Variants in ARHGAP39 observed in about 807,000 individuals in gnomAD.
ARHGAP39 encodes the protein rho GTPase-activating protein 39.
In ARHGAP39, 44 loss-of-function variants were observed where a neutral mutation model predicts 106.9. The ratio of observed to expected loss-of-function variants is 0.41; its 90% CI spans 0.32 to 0.53. The LOEUF (loss-of-function observed/expected upper bound fraction) is 0.53, where lower values mean the gene tolerates loss of function less well. Ranked by LOEUF, ARHGAP39 falls within the 20% of genes least tolerant of loss-of-function variation. ARHGAP39 has a pLI of 0.21. For missense variants in ARHGAP39, 1,496 were observed against 1,577.3 expected, an observed-to-expected ratio of 0.95 and a Z score of 0.87; for synonymous variants, 768 against 693.2, an observed-to-expected ratio of 1.11 and a Z score of -1.69.
intron 1 of ARHGAP39, among the ~76,000 whole-genome samples, chr8:144,622,440 G>T (rs1820830078): frequency 6.6e-6 from 1 of 152,006 alleles, no homozygotes; most frequent in Admixed American, 6.6e-5. Context: ...CAGAAGGCAT[G>T]GCACCTCCCA....
chr8:144,639,250 C>G (rs1338135768), intron 1 of ARHGAP39, among the ~76,000 whole-genome samples: 1 of 148,760 alleles, frequency 6.7e-6, no homozygotes, highest in East Asian at 2.0e-4. Context: ...CACTTGAGCC[C>G]GGGAGGTGGA....
chr8:144,608,797 C>A (rs1426239238), intron 1 of ARHGAP39, among the ~76,000 whole-genome samples: 3 of 152,166 alleles, frequency 2.0e-5, no homozygotes, highest in Non-Finnish European at 4.4e-5. Flanking sequence ...ACAAATCTTG[C>A]ACATATTAGT....
At chr8:144,662,711 G>A (rs1821862662) in intron 1 of ARHGAP39, among the ~76,000 whole-genome samples, 1 of 144,236 alleles carries the variant, frequency 6.9e-6, no homozygotes, top group African/African-American at 2.6e-5. Flanking sequence ...ATCCACCTTG[G>A]GCCATTACCC....
At chr8:144,563,280 A>G (rs573102102) in intron 3 of ARHGAP39, among the ~76,000 whole-genome samples, 1 of 152,346 alleles carries the variant, frequency 6.6e-6, no homozygotes, top group South Asian at 2.1e-4. Context: ...CAGTGGCATC[A>G]ACACGAACTT....
intron 1 of ARHGAP39, among the ~76,000 whole-genome samples, chr8:144,638,870 C>T (rs1292099091): frequency 1.3e-5 from 2 of 152,220 alleles, no homozygotes; most frequent in African/African-American, 4.8e-5. Flanking sequence ...GCTTCCAGAA[C>T]TTCACTACTG....
At chr8:144,661,779 T>G (rs1366602227) in intron 1 of ARHGAP39, among the ~76,000 whole-genome samples, 14 of 151,806 alleles carry the variant, frequency 9.2e-5, no homozygotes, top group Admixed American at 2.6e-4. Flanking sequence ...TACCCGCCTC[T>G]CCATTATCCA....
intron 2 of ARHGAP39, among the ~76,000 whole-genome samples, chr8:144,600,521 G>C (rs71520581): frequency 1.3e-5 from 2 of 148,594 alleles, no homozygotes; most frequent in Admixed American, 1.3e-4. Context: ...CGTGTGCGTG[G>C]AGGCGTGCGT....
chr8:144,590,045 C>T (rs1426461079), intron 2 of ARHGAP39, among the ~76,000 whole-genome samples: 3 of 152,254 alleles, frequency 2.0e-5, no homozygotes, highest in East Asian at 3.8e-4. Context: ...CAACAAGGGT[C>T]TCTCGCCTGT....
At chr8:144,569,655 C>T (rs1818517529) in intron 3 of ARHGAP39, among the ~76,000 whole-genome samples, 2 of 152,134 alleles carry the variant, frequency 1.3e-5, no homozygotes, top group South Asian at 2.1e-4. Context: ...GGGAGGGGAA[C>T]AGGAGGGCAA....
chr8:144,598,315 G>T (rs1819707556), intron 2 of ARHGAP39, among the ~76,000 whole-genome samples: 1 of 152,190 alleles, frequency 6.6e-6, no homozygotes, highest in South Asian at 2.1e-4. Context: ...TTTCCACGTT[G>T]TGTGTAAAGG....
At chr8:144,595,483 TCTGA>T (rs1819586977) in intron 2 of ARHGAP39, among the ~76,000 whole-genome samples, 1 of 152,136 alleles carries the variant, frequency 6.6e-6, no homozygotes, top group South Asian at 2.1e-4. Flanking sequence ...GCTGCACAAC[TCTGA>T]CTGTTCTAAG....
rs748891912 is a variant in ARHGAP39, at chr8:144,547,401, T to G, written c.1685A>C (p.Glu562Ala). Residue 562 changes from glutamate to alanine, a missense_variant, in exon 5 of 12, where the codon GAG becomes GCG. Transcript: ENST00000377307. This position sits in a 1 kb window ranked among gnomAD's most constrained non-coding sequence, Gnocchi z 5.2. The part of the protein sequence containing the change: ...PFLAQARLAW[E>A]AQQAHFHMKQ... ...CATGTGGAAGTGGGCCTGCTGCGCCTCCCAGGCCAGCCGAGCCTGCGCCAG... is the reference window on the plus strand; with the variant it reads ...CATGTGGAAGTGGGCCTGCTGCGCCGCCCAGGCCAGCCGAGCCTGCGCCAG... 3.1e-6 allele frequency: 5 copies of G among 1,591,082 alleles called. No homozygotes were observed. In the Admixed American group the frequency reaches 6.8e-5, roughly 22 times the overall value.
At chr8:144,539,601 C>T (rs1390043114) in intron 6 of ARHGAP39, among the ~76,000 whole-genome samples, 5 of 152,174 alleles carry the variant, frequency 3.3e-5, no homozygotes, top group Admixed American at 6.5e-5. Flanking sequence ...TCAAAATATG[C>T]GTTGAAATTC....
chr8:144,544,484 ATGTG>A (rs149550837), intron 6 of ARHGAP39, among the ~76,000 whole-genome samples: 1 of 151,930 alleles, frequency 6.6e-6, no homozygotes, highest in African/African-American at 2.4e-5. Flanking sequence ...GCGTGCGTGC[ATGTG>A]TGTGTGTGTG....
At position 144,591,224 on chromosome 8, in the gene ARHGAP39, A is replaced by T. The variant is rs369655978; in HGVS notation, c.81-9947T>A. Among the ~76,000 whole-genome samples, 1 of 152,132 alleles carries T rather than the reference A, an allele frequency of 6.6e-6. No individual in the cohort carries two copies. Among genetic ancestry groups the T allele is most frequent in the Non-Finnish European group, 1.5e-5 (1 of 68,018 alleles). ...CTCCCCAGCCGGAGCCTGGACCCCA[A>T]TGGACAGCTGCTCTGTGCTCCCGTG... On this transcript the variant is annotated intron_variant, in intron 2 of 11. Transcript: ENST00000377307. This position sits in a 1 kb window ranked among gnomAD's most constrained non-coding sequence, Gnocchi z 5.3.
At chr8:144,533,056 G>T in intron 9 of ARHGAP39, 70 bp downstream of exon 9, 2 of 1,539,480 alleles carry the variant, frequency 1.3e-6, no homozygotes, top group Non-Finnish European at 1.8e-6. Context: ...AATGGCCCCT[G>T]CATGCCACAG....
intron 1 of ARHGAP39, among the ~76,000 whole-genome samples, chr8:144,619,740 GC>G: frequency 6.6e-6 from 1 of 151,762 alleles, no homozygotes; most frequent in East Asian, 2.0e-4. Flanking sequence ...GTGCGTGTGA[GC>G]CTGTGTGTAC....
intron 2 of ARHGAP39, among the ~76,000 whole-genome samples, chr8:144,596,824 C>A (rs570322796): frequency 6.6e-6 from 1 of 152,226 alleles, no homozygotes; most frequent in African/African-American, 2.4e-5. Flanking sequence ...CATGATAGAT[C>A]GTCCTCCAGA....
intron 2 of ARHGAP39, among the ~76,000 whole-genome samples, chr8:144,588,263 T>A (rs946157252): frequency 6.6e-6 from 1 of 152,276 alleles, no homozygotes; most frequent in African/African-American, 2.4e-5. Context: ...TGAGCACGCA[T>A]CCTGCGTGAG....
Sources: gnomAD v4.1 joint callset for allele counts (sites outside exome capture counted in the v4.1 genomes callset) on GRCh38, gnomAD v4.1.1 for gene constraint, Gnocchi (gnomAD v3.1) non-coding constraint, MANE v1.5 for transcripts, NCBI Gene and HGNC (gene_info 2026-07-23, HGNC 2026-07-21) for gene names.